The following AIG1 variants were observed in gnomAD, a reference collection of about 807,000 sequenced individuals.
AIG1 encodes androgen induced 1, also known as androgen-induced gene 1 protein.
A neutral mutation model predicts 31.4 loss-of-function variants in AIG1; 23 were observed. The observed-to-expected ratio is 0.73, with a 90% CI of 0.53 to 1.04. The LOEUF (loss-of-function observed/expected upper bound fraction) is 1.04. AIG1 is among the 50% of genes least tolerant of loss of function. The pLI is 0.00. For missense variants in AIG1, 274 were observed against 295.0 expected, an observed-to-expected ratio of 0.93 and a Z score of 0.52; for synonymous variants, 100 against 110.5, an observed-to-expected ratio of 0.90 and a Z score of 0.60.
intron 3 of AIG1, among the ~76,000 whole-genome samples, chr6:143,191,715 AGAAAGG>A (rs1789806463): frequency 6.6e-6 from 1 of 152,196 alleles, no homozygotes; most frequent in Non-Finnish European, 1.5e-5. Context: ...AAGAAGGGAA[AGAAAGG>A]GAAAGGGAGA....
At chr6:143,276,150 C>T (rs764523174) in intron 3 of AIG1, among the ~76,000 whole-genome samples, 1 of 152,194 alleles carries the variant, frequency 6.6e-6, no homozygotes, top group Admixed American at 6.5e-5. Context: ...CCCAGTAAAA[C>T]GTGTCACTGT....
intron 3 of AIG1, among the ~76,000 whole-genome samples, chr6:143,240,278 T>C (rs1794145376): frequency 6.6e-6 from 1 of 152,202 alleles, no homozygotes; most frequent in African/African-American, 2.4e-5. Context: ...TAGTTTCATA[T>C]TACAATAGGC....
chr6:143,225,341 A>C (rs1347061215), intron 3 of AIG1, among the ~76,000 whole-genome samples: 5 of 152,230 alleles, frequency 3.3e-5, no homozygotes, highest in Non-Finnish European at 7.3e-5. Context: ...AATGGGAGGC[A>C]GTTCAAGCCT....
chr6:143,187,429 A>G (rs759811782), intron 3 of AIG1: 2 of 1,535,604 alleles, frequency 1.3e-6, no homozygotes, highest in South Asian at 2.4e-5. Flanking sequence ...TTTACACAGA[A>G]CTACAGTATG....
chr6:143,193,767 G>A lies in AIG1; in HGVS notation c.399+28584G>A, dbSNP rs114059145. On this transcript the variant is annotated intron_variant, in intron 3 of 5. Transcript: ENST00000357847. ...AGGACAATGATCACAGCTCACTTGC[G>A]TCACATTCCTCCCTCTTGCTGTGCT... 5.0e-3 allele frequency among the ~76,000 whole-genome samples: 767 copies of A among 152,194 alleles called. 7 individuals carry two copies. Among genetic ancestry groups the A allele is most frequent in the African/African-American group, 0.018 (732 of 41,496 alleles).
At chr6:143,312,635 GAC>G (rs1193903867) in intron 4 of AIG1, among the ~76,000 whole-genome samples, 2 of 151,980 alleles carry the variant, frequency 1.3e-5, no homozygotes, top group Non-Finnish European at 2.9e-5. Context: ...AATTCTCTAG[GAC>G]ATTGGACTGG....
In AIG1 at chr6:143,165,074, C is replaced by T. The variant is rs143567319; in HGVS notation, c.298-8C>T. The T allele has an allele frequency of 0.022, 34,965 of 1,587,594 alleles. 471 individuals carry two copies. Among genetic ancestry groups the T allele is most frequent in the Non-Finnish European group, 0.026 (30,487 of 1,158,256 alleles). On this transcript the variant is annotated splice_polypyrimidine_tract_variant and splice_region_variant and intron_variant, in intron 2 of 5. Coordinates refer to ENST00000357847, the MANE Select transcript of AIG1 (RefSeq NM_016108.4). Reference sequence around the variant, plus strand: ...AACTTGAAATAAAAGATTTCTTTTTCCTTCCAGTTTGTTGTAGCAGTGTTC... The same window carrying T: ...AACTTGAAATAAAAGATTTCTTTTTTCTTCCAGTTTGTTGTAGCAGTGTTC...
In AIG1 at chr6:143,266,202, CCGAGCATGGTGG is replaced by C. The variant is rs556658148; in HGVS notation, c.400-17902_400-17891del. On this transcript the variant is annotated intron_variant, in intron 3 of 5. Transcript: ENST00000357847. ...ATCTCTACTAAAATACAAAAATTAG[CCGAGCATGGTGG>C]CGAGCGCCTGTAATCCCAGCTACTC... 4.3e-3 allele frequency among the ~76,000 whole-genome samples: 660 copies of C among 152,122 alleles called. 6 individuals carry two copies. Among genetic ancestry groups the C allele is most frequent in the African/African-American group, 0.015 (624 of 41,514 alleles).
chr6:143,109,165 C>T (rs1347649572), intron 1 of AIG1, among the ~76,000 whole-genome samples: 1 of 151,948 alleles, frequency 6.6e-6, no homozygotes, highest in Non-Finnish European at 1.5e-5. Flanking sequence ...GAGGTTCATT[C>T]TTGTGGTTGT....
chr6:143,121,010 A>T (rs1314843179), intron 1 of AIG1, among the ~76,000 whole-genome samples: 1 of 152,256 alleles, frequency 6.6e-6, no homozygotes, highest in Non-Finnish European at 1.5e-5. Context: ...TGCTGCAGAT[A>T]ACTAGCCCAA....
chr6:143,131,918 C>T (rs1172271899), intron 1 of AIG1, among the ~76,000 whole-genome samples: 1 of 152,190 alleles, frequency 6.6e-6, no homozygotes, highest in Non-Finnish European at 1.5e-5. Flanking sequence ...AATACATTAG[C>T]TGATCCCCTC....
At chr6:143,183,246 A>C (rs1190894442) in intron 3 of AIG1, among the ~76,000 whole-genome samples, 3 of 135,694 alleles carry the variant, frequency 2.2e-5, no homozygotes. Context: ...GCCAGGCTGG[A>C]GTGCGATGGC....
At chr6:143,216,488 A>G (rs534005298) in intron 3 of AIG1, among the ~76,000 whole-genome samples, 4 of 152,214 alleles carry the variant, frequency 2.6e-5, no homozygotes, top group African/African-American at 9.7e-5. Flanking sequence ...ATGATAGCTT[A>G]CTGTACTCTG....
At chr6:143,193,858 C>A (rs1310956453) in intron 3 of AIG1, among the ~76,000 whole-genome samples, 1 of 152,054 alleles carries the variant, frequency 6.6e-6, no homozygotes, top group Admixed American at 6.6e-5. Flanking sequence ...CATGGAAGGG[C>A]ATACTGAAGG....
intron 2 of AIG1, among the ~76,000 whole-genome samples, chr6:143,154,509 A>AAAAG (rs1193089059): frequency 3.7e-4 from 57 of 152,200 alleles, no homozygotes; most frequent in Admixed American, 2.8e-3. Context: ...ACTCTGTGTA[A>AAAAG]AAAGAAAGAA....
chr6:143,091,988 A>G (rs978837890), intron 1 of AIG1, among the ~76,000 whole-genome samples: 1 of 152,196 alleles, frequency 6.6e-6, no homozygotes, highest in African/African-American at 2.4e-5. Context: ...AATATTAATA[A>G]AATAATATTT....
At chr6:143,304,168 C>G (rs1799062813) in intron 4 of AIG1, among the ~76,000 whole-genome samples, 2 of 152,062 alleles carry the variant, frequency 1.3e-5, no homozygotes, top group Admixed American at 1.3e-4. Context: ...ATGTCATCTA[C>G]AAACAGGGAC....
chr6:143,230,884 T>A (rs544851005), intron 3 of AIG1, among the ~76,000 whole-genome samples: 3 of 152,338 alleles, frequency 2.0e-5, no homozygotes, highest in South Asian at 2.1e-4. Context: ...CCCCTCTTTA[T>A]TTCAGCCTTT....
chr6:143,086,602 C>T (rs1175475706), intron 1 of AIG1, among the ~76,000 whole-genome samples: 1 of 152,078 alleles, frequency 6.6e-6, no homozygotes, highest in Non-Finnish European at 1.5e-5. Flanking sequence ...GACAAGACAC[C>T]CTGGGTTCAT....
Sources: gnomAD v4.1 joint callset for allele counts (sites outside exome capture counted in the v4.1 genomes callset) on GRCh38, gnomAD v4.1.1 for gene constraint, MANE v1.5 for transcripts, NCBI Gene and HGNC (gene_info 2026-07-23, HGNC 2026-07-21) for gene names.